TMPPE: variants seen among roughly 807,000 people sequenced by gnomAD.
TMPPE encodes the protein transmembrane protein with metallophosphoesterase domain.
TMPPE carries 16 observed loss-of-function variants against 22.6 expected under a neutral mutation model. That is an observed-to-expected ratio of 0.71 (90% CI 0.48 to 1.08). TMPPE has a LOEUF of 1.08. TMPPE is among the 50% of genes least tolerant of loss of function. TMPPE has a pLI of 0.00. For missense variants in TMPPE, 526 were observed against 584.3 expected (o/e 0.90, Z 1.03); for synonymous variants, 240 against 245.3 (o/e 0.98, Z 0.20).
Position 33,093,437 on chromosome 3 carries a change from C to T in TMPPE, c.759G>A (p.Ser253=), listed in dbSNP as rs549585817. 49 of 1,614,092 alleles carry T rather than the reference C, an allele frequency of 3.0e-5. No homozygotes were observed. The highest frequency in any genetic ancestry group is 3.7e-5 in the Non-Finnish European group (44 of 1,180,026). The change falls in exon 2 of 2, where the codon TCG becomes TCA. Residue 253 remains serine, a synonymous_variant. Coordinates refer to ENST00000342462, the MANE Select transcript of TMPPE (RefSeq NM_001039770.3). The surrounding 1 kb of genome is among the most constrained non-coding windows in gnomAD (Gnocchi z 6.0). ...IVGDLSDSEA[S]VLRTAVAPLG... ...GAGGAGCGACAGCCGTCCGCAGGAC[C>T]GAGGCTTCTGAGTCGGAGAGGTCAC...
rs538819626 is a variant in TMPPE, at chr3:33,090,915, G to A, written c.*1919C>T. 9.1e-5 allele frequency: 90 copies of A among 985,186 alleles called. No homozygotes were observed. The African/African-American group carries it at 1.4e-3, about 15-fold the overall frequency. The allele number at this position is 985,186 out of a possible 1,614,324, so 61.0% of individuals were successfully genotyped here. A position where few individuals can be genotyped will look rare whatever the true frequency, so the allele number is the denominator to read the frequency against. The stretch of plus-strand genomic sequence containing the variant: ...CATTCAAGAGAAAGAAAAGAGGTAA[G>A]GATGCAAAATTAAAAAAAAAATAGG... On this transcript the variant is annotated 3_prime_UTR_variant, in exon 2 of 2. Transcript: ENST00000342462.
Position 33,093,024 on chromosome 3 carries a change from TGCCCAGAAA to T in TMPPE, c.1163_1171del (p.Leu388_Gly390del). The stretch of plus-strand genomic sequence containing the variant: ...GGGGAAGATCTGCCCAGCATGTGTG[TGCCCAGAAA>T]GGATCAGGTTAATATCTGGCCGAGC... On this transcript the variant is annotated inframe_deletion, in exon 2 of 2. Transcript: ENST00000342462. This position sits in a 1 kb window ranked among gnomAD's most constrained non-coding sequence, Gnocchi z 6.0. 6.2e-7 allele frequency: 1 copy of T among 1,614,222 alleles called. No homozygotes were observed.
chr3:33,095,327 C>T (rs1469600470), intron 1 of TMPPE, among the ~76,000 whole-genome samples: 2 of 151,060 alleles, frequency 1.3e-5, no homozygotes, highest in African/African-American at 4.9e-5. Context: ...ACCATCCTGG[C>T]TAACATGGTG....
intron 1 of TMPPE, among the ~76,000 whole-genome samples, chr3:33,095,700 C>A (rs1700995115): frequency 6.6e-6 from 1 of 152,170 alleles, no homozygotes; most frequent in African/African-American, 2.4e-5. Context: ...GTTCATAAAT[C>A]CTTCTCTCTC....
chr3:33,096,531 G>A (rs1701035909), intron 1 of TMPPE, 188 bp downstream of exon 1: 1 of 985,332 alleles, frequency 1.0e-6, no homozygotes, highest in Non-Finnish European at 1.2e-6. Context: ...AGAGCACCCA[G>A]AGGGGAAATA....
chr3:33,096,963 G>C lies in TMPPE; in HGVS notation c.-353C>G. ...GCGACCCCAGCCCGGTTCCCCGCCAGCCTGTCCCCTAGCAATGCCTCCCCG... is the reference window on the plus strand; with the variant it reads ...GCGACCCCAGCCCGGTTCCCCGCCACCCTGTCCCCTAGCAATGCCTCCCCG... On this transcript the variant is annotated 5_prime_UTR_variant, in exon 1 of 2. Coordinates refer to ENST00000342462, the MANE Select transcript of TMPPE (RefSeq NM_001039770.3). 6.3e-7 allele frequency: 1 copy of C among 1,599,170 alleles called. No homozygotes were observed. The highest frequency in any genetic ancestry group is 8.5e-7 in the Non-Finnish European group (1 of 1,173,438).
At position 33,097,122 on chromosome 3, in the gene TMPPE, G is replaced by A. The variant is rs115554377; in HGVS notation, c.-512C>T. ...TCCCGGCTCTGCAGTCGGCGCCCAG[G>A]CCGGCCGCTTCGCGTCACTTGACTA... On this transcript the variant is annotated 5_prime_UTR_variant, in exon 1 of 2. Transcript: ENST00000342462. 6.8e-6 allele frequency: 11 copies of A among 1,608,268 alleles called. No individual in the cohort carries two copies. The East Asian group carries it at 1.3e-4, about 20-fold the overall frequency.
Position 33,093,380 on chromosome 3 carries a change from G to C in TMPPE, c.816C>G (p.Tyr272Ter). 1 of 1,614,230 alleles carries C rather than the reference G, an allele frequency of 6.2e-7. No individual in the cohort carries two copies. The highest frequency in any genetic ancestry group is 1.3e-5 in the African/African-American group (1 of 75,054). Residue 272 changes from tyrosine (Y) to a stop codon, truncating the protein, a stop_gained, in exon 2 of 2, where the codon TAC (tyrosine) becomes TAG (stop). Coordinates refer to ENST00000342462, the MANE Select transcript of TMPPE (RefSeq NM_001039770.3). LOFTEE classifies it high-confidence loss of function. This position sits in a 1 kb window ranked among gnomAD's most constrained non-coding sequence, Gnocchi z 6.0. ...LGQLHSHLGAYFVTGNHEYYT... is the reference protein window; with the variant it reads ...LGQLHSHLGA Reference sequence around the variant, plus strand: ...AGTACTCATGATTGCCTGTGACGAAGTAGGCACCGAGATGTGAATGAAGCT... The same window carrying C: ...AGTACTCATGATTGCCTGTGACGAACTAGGCACCGAGATGTGAATGAAGCT...
At position 33,091,878 on chromosome 3, in the gene TMPPE, G is replaced by A. The variant is rs1206083686; in HGVS notation, c.*956C>T. ...ACACGGGTGCTTATCTCCATCTCAG[G>A]ATCAAAGGATCTATTGCTTCTGGCA... On this transcript the variant is annotated 3_prime_UTR_variant, in exon 2 of 2. Coordinates refer to ENST00000342462, the MANE Select transcript of TMPPE (RefSeq NM_001039770.3). The A allele has an allele frequency of 1.0e-6, 1 of 985,256 alleles. No homozygotes were observed. Among genetic ancestry groups the A allele is most frequent in the African/African-American group, 1.7e-5 (1 of 57,206 alleles). 61.0% of individuals were successfully genotyped at this position (985,256 alleles called of 1,614,324 possible). A position where few individuals can be genotyped will look rare whatever the true frequency, so the allele number is the denominator to read the frequency against.
chr3:33,096,818 G>C lies in TMPPE; in HGVS notation c.-208C>G, dbSNP rs1010877867. 1 of 1,362,524 alleles carries C rather than the reference G, an allele frequency of 7.3e-7. No homozygotes were observed. The highest frequency in any genetic ancestry group is 1.6e-5 in the African/African-American group (1 of 64,488). The allele number at this position is 1,362,524 out of a possible 1,614,324, so 84.4% of individuals were successfully genotyped here. ...GACCGAGCTGCCTGGAAGGACGCGC[G>C]CCCCGCCCGGCCCGCCCCCGACGGG... On this transcript the variant is annotated 5_prime_UTR_variant, in exon 1 of 2. Transcript: ENST00000342462.
Position 33,092,280 on chromosome 3 carries a change from C to T in TMPPE, c.*554G>A. 1.0e-6 allele frequency: 1 copy of T among 986,558 alleles called. No homozygotes were observed. The highest frequency in any genetic ancestry group is 1.2e-6 in the Non-Finnish European group (1 of 830,768). The allele number at this position is 986,558 out of a possible 1,614,324, so 61.1% of individuals were successfully genotyped here. ...TGCTGATGCCCTCAATAGAGGTGAT[C>T]CTGATAGAATCAGAGGAAAAGAAAA... On this transcript the variant is annotated 3_prime_UTR_variant, in exon 2 of 2. Coordinates refer to ENST00000342462, the MANE Select transcript of TMPPE (RefSeq NM_001039770.3).
chr3:33,093,241 T>C lies in TMPPE; in HGVS notation c.955A>G (p.Ser319Gly), dbSNP rs1187660848. 1.9e-6 allele frequency: 3 copies of C among 1,614,064 alleles called. No homozygotes were observed. The highest frequency in any genetic ancestry group is 1.3e-5 in the African/African-American group (1 of 75,016). ...ATRAQRGGGGSGSGSEDEDWI... is the reference protein window; with the variant it reads ...ATRAQRGGGGGGSGSEDEDWI... ...TCCTCATCCTCACTCCCACTGCCAC[T>C]GCCACCACCACCACGTTGGGCCCGT... is the stretch of plus-strand genomic sequence containing the variant. The change falls in exon 2 of 2, where the codon AGT (serine) becomes GGT (glycine). Residue 319 changes from serine (S) to glycine (G), a missense_variant. Ser to Gly is a moderately conservative substitution (Grantham distance 56). Transcript: ENST00000342462. This position sits in a 1 kb window ranked among gnomAD's most constrained non-coding sequence, Gnocchi z 6.0.
Position 33,091,674 on chromosome 3 carries a change from C to G in TMPPE, c.*1160G>C. 1.0e-6 allele frequency: 1 copy of G among 985,152 alleles called. No homozygotes were observed. The highest frequency in any genetic ancestry group is 1.2e-6 in the Non-Finnish European group (1 of 829,704). 61.0% of individuals were successfully genotyped at this position (985,152 alleles called of 1,614,324 possible). On this transcript the variant is annotated 3_prime_UTR_variant, in exon 2 of 2. Transcript: ENST00000342462. Reference sequence around the variant, plus strand: ...TCCCCATTTTAGGGTTGATGGAAACCAAGGCTGAGTGAGGGAAAGTCACCC... The same window carrying G: ...TCCCCATTTTAGGGTTGATGGAAACGAAGGCTGAGTGAGGGAAAGTCACCC...
rs958407806 is a variant in TMPPE, at chr3:33,093,777, T to C, written c.419A>G (p.Gln140Arg). Reference protein sequence around the residue: ...FFLFILSGMEQAYQLLAWRSG... With the variant: ...FFLFILSGMERAYQLLAWRSG... ...GCGCCAGGCCAAGAGCTGGTAGGCC[T>C]GCTCCATGCCGCTGAGGATGAAGAG... The change falls in exon 2 of 2, where the codon CAG becomes CGG. Residue 140 changes from glutamine to arginine, a missense_variant. Physicochemically the swap from Gln to Arg is conservative, Grantham distance 43 (BLOSUM62 1). Coordinates refer to ENST00000342462, the MANE Select transcript of TMPPE (RefSeq NM_001039770.3). The surrounding 1 kb of genome is among the most constrained non-coding windows in gnomAD (Gnocchi z 6.0). 6 of 1,613,520 alleles carry C rather than the reference T, an allele frequency of 3.7e-6. No homozygotes were observed. Among genetic ancestry groups the C allele is most frequent in the Non-Finnish European group, 5.1e-6 (6 of 1,179,742 alleles).
In TMPPE at chr3:33,091,039, T is replaced by C. The variant is rs1700737280; in HGVS notation, c.*1795A>G. 1 of 985,316 alleles carries C rather than the reference T, an allele frequency of 1.0e-6. No individual in the cohort carries two copies. Among genetic ancestry groups the C allele is most frequent in the Non-Finnish European group, 1.2e-6 (1 of 829,910 alleles). The allele number at this position is 985,316 out of a possible 1,614,324, so 61.0% of individuals were successfully genotyped here. A position where few individuals can be genotyped will look rare whatever the true frequency, so the allele number is the denominator to read the frequency against. ...AACACGTAACAGGTGAGTCAAACAT[T>C]ACCAGCCGCATCAAACAGTGGAAGT... On this transcript the variant is annotated 3_prime_UTR_variant, in exon 2 of 2. Transcript: ENST00000342462.
rs1559421878 is a variant in TMPPE at position 33,091,642 on chromosome 3, A to G, written c.*1192T>C. On this transcript the variant is annotated 3_prime_UTR_variant, in exon 2 of 2. Transcript: ENST00000342462. ...ACAAAACAATCTTGAGGTAGATACG[A>G]TAATTATCCCCATTTTAGGGTTGAT... 1.0e-6 allele frequency: 1 copy of G among 984,698 alleles called. No homozygotes were observed. Among genetic ancestry groups the G allele is most frequent in the Non-Finnish European group, 1.2e-6 (1 of 829,228 alleles). The allele number at this position is 984,698 out of a possible 1,614,324, so 61.0% of individuals were successfully genotyped here. A position where few individuals can be genotyped will look rare whatever the true frequency, so the allele number is the denominator to read the frequency against.
In TMPPE at chr3:33,092,310, C is replaced by A. The variant is rs1322108653; in HGVS notation, c.*524G>T. On this transcript the variant is annotated 3_prime_UTR_variant, in exon 2 of 2. Coordinates refer to ENST00000342462, the MANE Select transcript of TMPPE (RefSeq NM_001039770.3). ...TAGAATCAGAGGAAAAGAAAATATT[C>A]TTCTCTAGCAGCCAGAGGGCCCTTC... The A allele has an allele frequency of 1.0e-6, 1 of 987,020 alleles. No homozygotes were observed. The highest frequency in any genetic ancestry group is 1.2e-6 in the Non-Finnish European group (1 of 831,032). 61.1% of individuals were successfully genotyped at this position (987,020 alleles called of 1,614,324 possible).
rs775440094 is a variant in TMPPE at position 33,096,969 on chromosome 3, C to T, written c.-359G>A. ...CCAGCCCGGTTCCCCGCCAGCCTGTCCCCTAGCAATGCCTCCCCGTACCCG... is the reference window on the plus strand; with the variant it reads ...CCAGCCCGGTTCCCCGCCAGCCTGTTCCCTAGCAATGCCTCCCCGTACCCG... On this transcript the variant is annotated 5_prime_UTR_variant, in exon 1 of 2. Transcript: ENST00000342462. 4 of 1,604,036 alleles carry T rather than the reference C, an allele frequency of 2.5e-6. No homozygotes were observed. In the Admixed American group the frequency reaches 5.1e-5, roughly 21 times the overall value.
In TMPPE at chr3:33,096,775, G is replaced by T. The variant is rs1489882546; in HGVS notation, c.-165C>A. On this transcript the variant is annotated 5_prime_UTR_variant, in exon 1 of 2. Coordinates refer to ENST00000342462, the MANE Select transcript of TMPPE (RefSeq NM_001039770.3). ...GTGGATCCAAGCGCAAAGGGCGGCC[G>T]GAGCGGAACGCACAAGCGACCGAGC... is the stretch of plus-strand genomic sequence containing the variant. 39 of 1,327,582 alleles carry T rather than the reference G, an allele frequency of 2.9e-5. No homozygotes were observed. Among genetic ancestry groups the T allele is most frequent in the Non-Finnish European group, 3.5e-5 (36 of 1,043,128 alleles). 82.2% of individuals were successfully genotyped at this position (1,327,582 alleles called of 1,614,324 possible).
Sources: gnomAD v4.1 joint callset for allele counts (sites outside exome capture counted in the v4.1 genomes callset) on GRCh38, gnomAD v4.1.1 for gene constraint, Gnocchi (gnomAD v3.1) non-coding constraint, MANE v1.5 for transcripts, NCBI Gene and HGNC (gene_info 2026-07-23, HGNC 2026-07-21) for gene names.